Variants in PCDH15 observed in about 807,000 individuals in gnomAD.
The protein encoded by PCDH15 is protocadherin related 15.
A neutral mutation model predicts 178.5 loss-of-function variants in PCDH15; 129 were observed. The observed-to-expected ratio is 0.72, with a 90% CI of 0.63 to 0.84. The LOEUF (loss-of-function observed/expected upper bound fraction) is 0.84. Among genes scored for constraint, PCDH15 ranks in the 40% least tolerant of loss-of-function variants. The pLI, the probability that PCDH15 is intolerant of heterozygous loss-of-function variation, is 0.00. For missense variants in PCDH15, 2,230 were observed against 2,099.9 expected, an observed-to-expected ratio of 1.06 and a Z score of -1.21; for synonymous variants, 800 against 732.0, an observed-to-expected ratio of 1.09 and a Z score of -1.50.
intron 2 of PCDH15, among the ~76,000 whole-genome samples, chr10:54,650,349 C>G (rs185804620): frequency 6.6e-6 from 1 of 151,966 alleles, no homozygotes; most frequent in Admixed American, 6.6e-5. Context: ...CTTTATAGTT[C>G]CCTGATCTCT....
At chr10:55,518,998 G>A (rs549735805) in intron 2 of PCDH15, among the ~76,000 whole-genome samples, 1 of 148,504 alleles carries the variant, frequency 6.7e-6, no homozygotes, top group East Asian at 2.0e-4. Flanking sequence ...GGAGCCTGAG[G>A]CAGAAGAATC....
chr10:55,445,175 C>T (rs139035959), intron 2 of PCDH15, among the ~76,000 whole-genome samples: 26 of 152,224 alleles, frequency 1.7e-4, no homozygotes, highest in African/African-American at 5.5e-4. Flanking sequence ...CAATGTCCTG[C>T]TTTCTCTCTG....
intron 3 of PCDH15, among the ~76,000 whole-genome samples, chr10:54,496,251 T>C (rs2080099168): frequency 6.6e-6 from 1 of 152,166 alleles, no homozygotes; most frequent in African/African-American, 2.4e-5. Flanking sequence ...TACATTTCCA[T>C]GAAACTAAGT....
At chr10:55,134,515 G>T (rs961638873) in intron 2 of PCDH15, among the ~76,000 whole-genome samples, 2 of 152,144 alleles carry the variant, frequency 1.3e-5, no homozygotes, top group African/African-American at 4.8e-5. Flanking sequence ...CCAGTTCCGT[G>T]TATTTTGCCT....
At chr10:54,451,461 T>C (rs2076474016) in intron 3 of PCDH15, among the ~76,000 whole-genome samples, 1 of 151,966 alleles carries the variant, frequency 6.6e-6, no homozygotes, top group Admixed American at 6.6e-5. Flanking sequence ...GAAAGAGTTT[T>C]GTTTATACAA....
At chr10:55,049,136 G>C (rs1231094636) in intron 2 of PCDH15, among the ~76,000 whole-genome samples, 1 of 151,932 alleles carries the variant, frequency 6.6e-6, no homozygotes, top group Non-Finnish European at 1.5e-5. Flanking sequence ...TAGTCTTGTG[G>C]TCACAAAGTC....
At chr10:55,622,397 G>T (rs1185188565) in intron 2 of PCDH15, among the ~76,000 whole-genome samples, 1 of 151,504 alleles carries the variant, frequency 6.6e-6, no homozygotes, top group African/African-American at 2.4e-5. Flanking sequence ...CACTGAAAAA[G>T]AGGTGGAGAC....
intron 1 of PCDH15, among the ~76,000 whole-genome samples, chr10:55,267,968 CTTT>C (rs149259262): frequency 0.12 from 17,592 of 152,026 alleles, 1,209 homozygotes; most frequent in Non-Finnish European, 0.16. Flanking sequence ...AAGTTTAATC[CTTT>C]TTATTGTGTC....
chr10:54,617,777 T>A (rs963737599), intron 2 of PCDH15, among the ~76,000 whole-genome samples: 33 of 124,158 alleles, frequency 2.7e-4, no homozygotes, highest in Non-Finnish European at 4.7e-4. Context: ...AAAAAAAAAA[T>A]TAGTCAGGCA....
chr10:54,374,012 CAG>C (rs767131803), intron 4 of PCDH15, among the ~76,000 whole-genome samples: 1 of 152,064 alleles, frequency 6.6e-6, no homozygotes. Flanking sequence ...ATTATATAGA[CAG>C]GGTGCATCTT....
intron 2 of PCDH15, among the ~76,000 whole-genome samples, chr10:54,553,152 A>C (rs751813231): frequency 2.0e-5 from 3 of 152,172 alleles, no homozygotes; most frequent in Non-Finnish European, 4.4e-5. Flanking sequence ...TTTTGATTAC[A>C]ATGTATTCCA....
chr10:55,367,372 G>A (rs978395830), intron 2 of PCDH15, among the ~76,000 whole-genome samples: 3 of 152,030 alleles, frequency 2.0e-5, no homozygotes, highest in African/African-American at 7.3e-5. Context: ...CTTGAGCCCA[G>A]GAGTTTGAGA....
chr10:54,443,130 T>C (rs76185124), intron 3 of PCDH15, among the ~76,000 whole-genome samples: 2,689 of 151,784 alleles, frequency 0.018, 93 homozygotes, highest in African/African-American at 0.061. Context: ...TGCTAGCAAC[T>C]TTCCCATAAT....
intron 2 of PCDH15, among the ~76,000 whole-genome samples, chr10:55,343,385 G>A (rs1377093301): frequency 6.6e-6 from 1 of 152,096 alleles, no homozygotes; most frequent in Non-Finnish European, 1.5e-5. Flanking sequence ...CATCATTAGA[G>A]ATGGCCTTTA....
intron 23 of PCDH15, among the ~76,000 whole-genome samples, chr10:53,959,258 A>G (rs1221793819): frequency 6.7e-6 from 1 of 148,772 alleles, no homozygotes; most frequent in Non-Finnish European, 1.5e-5. Context: ...ACATTTATAT[A>G]TATATATACA....
intron 13 of PCDH15, among the ~76,000 whole-genome samples, chr10:54,177,384 A>G (rs1218208936): frequency 6.6e-6 from 1 of 152,102 alleles, no homozygotes; most frequent in East Asian, 1.9e-4. Context: ...AAACCATAAA[A>G]TGAAGCACCG....
chr10:54,330,145 T>C (rs1041795730), intron 6 of PCDH15, among the ~76,000 whole-genome samples: 2 of 138,588 alleles, frequency 1.4e-5, no homozygotes, highest in African/African-American at 5.5e-5. Flanking sequence ...TTAAGTATTT[T>C]TAAGTATTAT....
chr10:54,796,274 GTATCTATGTATCTATCTATC>G (rs1285020261), intron 1 of PCDH15, among the ~76,000 whole-genome samples: 900 of 56,996 alleles, frequency 0.016, 15 homozygotes, highest in African/African-American at 0.061. Context: ...ATCTATCTAT[GTATCTATGTATCTATCTATC>G]TATCTATCTA....
chr10:54,216,042 CAGAA>C (rs1337561643), intron 9 of PCDH15, among the ~76,000 whole-genome samples: 1 of 6,826 alleles, frequency 1.5e-4, no homozygotes, highest in African/African-American at 1.0e-3. Flanking sequence ...GACTCCGTCT[CAGAA>C]AAAAAAAAAA....
Sources: allele counts gnomAD v4.1 joint callset (sites outside exome capture counted in the v4.1 genomes callset), GRCh38; gene constraint gnomAD v4.1.1; transcripts MANE v1.5; gene names NCBI Gene and HGNC (gene_info 2026-07-23, HGNC 2026-07-21).